Variants in PUS1 observed in about 807,000 individuals in gnomAD.
PUS1 encodes the protein pseudouridylate synthase 1 homolog.
A neutral mutation model predicts 38.5 loss-of-function variants in PUS1; 25 were observed. The observed-to-expected ratio is 0.65, with a 90% confidence interval of 0.47 to 0.91. PUS1 has a LOEUF of 0.91. Ranked by LOEUF, PUS1 falls within the 40% of genes least tolerant of loss-of-function variation. The pLI is 0.00. For synonymous variants in PUS1, 282 were observed against 260.4 expected, an observed-to-expected ratio of 1.08 and a Z score of -0.80; for missense variants, 597 against 612.3, an observed-to-expected ratio of 0.97 and a Z score of 0.26.
Position 131,942,128 on chromosome 12 carries a change from G to A in PUS1, c.1236+145G>A, listed in dbSNP as rs958154115. Reference sequence around the variant, plus strand: ...TGCAGGAGCAGGGGCAGGCGGTCTTGAGATGTTCCTTGTCTGCATGCCTGC... The same window carrying A: ...TGCAGGAGCAGGGGCAGGCGGTCTTAAGATGTTCCTTGTCTGCATGCCTGC... On this transcript the variant is annotated intron_variant, in intron 5 of 5. Transcript: ENST00000376649. 7.2e-6 allele frequency: 6 copies of A among 835,076 alleles called. No individual in the cohort carries two copies. In the East Asian group the frequency reaches 1.3e-4, roughly 19 times the overall value. 51.7% of individuals were successfully genotyped at this position (835,076 alleles called of 1,614,324 possible).
intron 3 of PUS1, among the ~76,000 whole-genome samples, chr12:131,937,225 C>T (rs1000114146): frequency 6.6e-6 from 1 of 152,154 alleles, no homozygotes. Flanking sequence ...TTCATACCTT[C>T]ATAAAAGTCT....
rs767588707 is a variant in PUS1 at position 131,943,614 on chromosome 12, C to G, written c.*28C>G. On this transcript the variant is annotated 3_prime_UTR_variant, in exon 6 of 6. Transcript: ENST00000376649. ...CGATGGGAGCTGCCCACCAGAGTGC[C>G]TCTGAGCAGCTCACAGTGTGTGCCC... 1.3e-6 allele frequency: 2 copies of G among 1,592,526 alleles called. No homozygotes were observed. Among genetic ancestry groups the G allele is most frequent in the Non-Finnish European group, 1.7e-6 (2 of 1,161,658 alleles).
chr12:131,935,677 G>A (rs1890791831), intron 3 of PUS1, among the ~76,000 whole-genome samples: 1 of 152,034 alleles, frequency 6.6e-6, no homozygotes, highest in South Asian at 2.1e-4. Flanking sequence ...GGGAATACAG[G>A]CATGCGTCAC....
In PUS1 at chr12:131,929,815, G is replaced by A. The variant is rs1289972815; in HGVS notation, c.74+19G>A. 2 of 1,568,122 alleles carry A rather than the reference G, an allele frequency of 1.3e-6. No homozygotes were observed. Among genetic ancestry groups the A allele is most frequent in the Non-Finnish European group, 1.7e-6 (2 of 1,167,638 alleles). Reference sequence around the variant, plus strand: ...CGTCCTGGTAATGACCGCGACGCCGGGCGACCCCGCTATGCCCGCCCAGCC... The same window carrying A: ...CGTCCTGGTAATGACCGCGACGCCGAGCGACCCCGCTATGCCCGCCCAGCC... On this transcript the variant is annotated intron_variant, in intron 1 of 5. Transcript: ENST00000376649.
intron 1 of PUS1, 21 bp from the exon 2 acceptor site, chr12:131,929,886 T>G: frequency 2.5e-6 from 3 of 1,220,896 alleles, no homozygotes; most frequent in Non-Finnish European, 3.1e-6. Context: ...GGGCCCCCGC[T>G]CACGCCGCCC....
chr12:131,941,872 C>G lies in PUS1; in HGVS notation c.1125C>G (p.Pro375=), dbSNP rs748156742. The stretch of plus-strand genomic sequence containing the variant: ...CCTTCAAGGAGGAGCACATCTACCC[C>G]ACCATCATCGGCACCGAGCGGGACG... ...VAAFKEEHIY[P]TIIGTERDER... is the part of the protein sequence containing the mutation. Residue 375 remains proline, a synonymous_variant, in exon 5 of 6, where the codon CCC becomes CCG. Transcript: ENST00000376649. This position sits in a 1 kb window ranked among gnomAD's most constrained non-coding sequence, Gnocchi z 4.4. 6.2e-7 allele frequency: 1 copy of G among 1,613,900 alleles called. No homozygotes were observed. Among genetic ancestry groups the G allele is most frequent in the Admixed American group, 1.7e-5 (1 of 60,028 alleles).
intron 3 of PUS1, 104 bp downstream of exon 3, chr12:131,932,416 T>G: frequency 7.3e-7 from 1 of 1,366,740 alleles, no homozygotes; most frequent in Admixed American, 1.9e-5. Flanking sequence ...GAGCACATAA[T>G]GATGTACAAA....
At chr12:131,939,110 C>CA in intron 3 of PUS1, 63 bp from the exon 4 acceptor site, 1 of 1,048,846 alleles carries the variant, frequency 9.5e-7, no homozygotes, top group Non-Finnish European at 1.5e-6. Context: ...CCTTCTTTCT[C>CA]AGAGACCAGC....
Position 131,941,710 on chromosome 12 carries a change from G to C in PUS1, c.963G>C (p.Glu321Asp), listed in dbSNP as rs781152810. ...TGCTGGAGCGCAGCTGGGGCACAGA[G>C]AAGGTGGACGTGCCCAAGGCGCCCG... ...ESVLERSWGT[E>D]KVDVPKAPGL... Residue 321 changes from glutamate (E) to aspartate (D), a missense_variant, in exon 5 of 6, where the codon GAG becomes GAC. Transcript: ENST00000376649. The surrounding 1 kb of genome is among the most constrained non-coding windows in gnomAD (Gnocchi z 4.4). 3.7e-6 allele frequency: 6 copies of C among 1,614,100 alleles called. No homozygotes were observed. The highest frequency in any genetic ancestry group is 5.1e-6 in the Non-Finnish European group (6 of 1,180,040).
chr12:131,942,637 AC>A (rs1163455237), intron 5 of PUS1, among the ~76,000 whole-genome samples: 2 of 152,234 alleles, frequency 1.3e-5, no homozygotes, highest in East Asian at 3.9e-4. Flanking sequence ...TGATCTCCTG[AC>A]CTTGTGATCC....
chr12:131,941,667 G>A lies in PUS1; in HGVS notation c.920G>A (p.Gly307Asp). The A allele has an allele frequency of 1.9e-6, 3 of 1,614,210 alleles. No homozygotes were observed. Among genetic ancestry groups the A allele is most frequent in the Non-Finnish European group, 2.5e-6 (3 of 1,180,042 alleles). Residue 307 changes from glycine (G) to aspartate (D), a missense_variant, in exon 5 of 6, where the codon GGT (glycine) becomes GAT (aspartate). By Grantham distance (94) the Gly-to-Asp change is moderately conservative. Coordinates refer to ENST00000376649, the MANE Select transcript of PUS1 (RefSeq NM_025215.6). This position sits in a 1 kb window ranked among gnomAD's most constrained non-coding sequence, Gnocchi z 4.4. ...MVGLVVAIVKGYAPESVLERS... is the reference protein window; with the variant it reads ...MVGLVVAIVKDYAPESVLERS... ...GGCCTGGTGGTGGCCATTGTGAAGG[G>A]TTATGCCCCTGAGAGCGTGCTGGAG...
At chr12:131,940,065 T>C (rs1444668179) in intron 4 of PUS1, among the ~76,000 whole-genome samples, 1 of 150,516 alleles carries the variant, frequency 6.6e-6, no homozygotes, top group Non-Finnish European at 1.5e-5. Context: ...CAGGGTCTTG[T>C]TCTGTTGCCG....
chr12:131,936,678 C>T (rs1296385842), intron 3 of PUS1, among the ~76,000 whole-genome samples: 1 of 152,146 alleles, frequency 6.6e-6, no homozygotes, highest in African/African-American at 2.4e-5. Context: ...CACTTGAGGC[C>T]AGGAGTTCGA....
At chr12:131,930,193 G>A in intron 2 of PUS1, 58 bp downstream of exon 2, 1 of 1,241,694 alleles carries the variant, frequency 8.1e-7, no homozygotes, top group African/African-American at 1.6e-5. Context: ...TGCGGCCGCC[G>A]GGGAAGCGGT....
intron 5 of PUS1, among the ~76,000 whole-genome samples, chr12:131,942,332 T>G (rs1319054782): frequency 6.6e-6 from 1 of 152,080 alleles, no homozygotes; most frequent in Non-Finnish European, 1.5e-5. Flanking sequence ...AGCTAAAAGC[T>G]AAGTGAATGA....
chr12:131,931,390 C>T (rs1408599061), intron 2 of PUS1: 3 of 152,186 alleles, frequency 2.0e-5, no homozygotes, highest in Non-Finnish European at 4.4e-5. Flanking sequence ...AACTCCTGAC[C>T]TCAGAGTATC....
chr12:131,930,192 C>T, intron 2 of PUS1, 57 bp downstream of exon 2: 1 of 1,238,550 alleles, frequency 8.1e-7, no homozygotes, highest in Middle Eastern at 2.5e-4. Flanking sequence ...GTGCGGCCGC[C>T]GGGGAAGCGG....
intron 5 of PUS1, 66 bp from the exon 6 acceptor site, chr12:131,943,473 T>C (rs1891176724): frequency 7.3e-7 from 1 of 1,376,662 alleles, no homozygotes; most frequent in African/African-American, 1.4e-5. Flanking sequence ...CATGGGCCCC[T>C]GTGGGCATCC....
rs1429334836 is a variant in PUS1, at chr12:131,941,646, T to C, written c.899T>C (p.Leu300Pro). 1 of 1,614,186 alleles carries C rather than the reference T, an allele frequency of 6.2e-7. No homozygotes were observed. The highest frequency in any genetic ancestry group is 8.5e-7 in the Non-Finnish European group (1 of 1,180,016). ...MMHQIRKMVG[L>P]VVAIVKGYAP... ...CATCAGATCCGGAAGATGGTCGGCC[T>C]GGTGGTGGCCATTGTGAAGGGTTAT... Residue 300 changes from leucine to proline, a missense_variant, in exon 5 of 6, where the codon CTG becomes CCG. Leu to Pro is a moderately conservative substitution (Grantham distance 98, BLOSUM62 -3). Transcript: ENST00000376649. This position sits in a 1 kb window ranked among gnomAD's most constrained non-coding sequence, Gnocchi z 4.4.
Sources: gnomAD v4.1 joint callset for allele counts (sites outside exome capture counted in the v4.1 genomes callset) on GRCh38, gnomAD v4.1.1 for gene constraint, Gnocchi (gnomAD v3.1) non-coding constraint, MANE v1.5 for transcripts, NCBI Gene and HGNC (gene_info 2026-07-23, HGNC 2026-07-21) for gene names.